ACBD3: variants seen among roughly 807,000 people sequenced by gnomAD.
ACBD3 encodes the protein acyl-CoA binding domain containing 3.
In ACBD3, 30 loss-of-function variants were observed where a neutral mutation model predicts 66.9. That is an observed-to-expected ratio of 0.45 (90% confidence interval 0.34 to 0.61). The LOEUF (loss-of-function observed/expected upper bound fraction) is 0.61, where lower values mean the gene tolerates loss of function less well. Ranked by LOEUF, ACBD3 falls within the 20% of genes least tolerant of loss-of-function variation. The probability of loss-of-function intolerance (pLI) is 0.02; values close to 1 mark genes in which losing one functional copy is unlikely to be tolerated. For synonymous variants in ACBD3, 278 were observed against 259.8 expected (o/e 1.07, Z -0.68); for missense variants, 544 against 664.5 (o/e 0.82, Z 1.99).
intron 1 of ACBD3, among the ~76,000 whole-genome samples, chr1:226,173,757 CTTTTTT>C (rs145462202): frequency 3.4e-5 from 3 of 88,306 alleles, no homozygotes; most frequent in African/African-American, 9.2e-5. Flanking sequence ...TTTTTCTTTT[CTTTTTT>C]TTTTTTTTTT....
At position 226,154,737 on chromosome 1, in the gene ACBD3, C is replaced by G. The variant is rs780580689; in HGVS notation, c.1000G>C (p.Val334Leu). Residue 334 changes from valine (V) to leucine (L), a missense_variant, in exon 6 of 8, where the codon GTT (valine) becomes CTT (leucine). By Grantham distance (32) the Val-to-Leu change is conservative. Around this residue, in one of 3 missense-constraint regions of ACBD3, gnomAD observed 383 missense variants for 462.4 expected, o/e 0.83. Coordinates refer to ENST00000366812, the MANE Select transcript of ACBD3 (RefSeq NM_022735.4). The stretch of plus-strand genomic sequence containing the variant: ...GTGTGTGTTTTGGCCTGTCCATTAA[C>G]TGACATCATATTACTTGGTACAGTT... ...NATVPSNMMS[V>L]NGQAKTHTDS... 6.2e-7 allele frequency: 1 copy of G among 1,613,968 alleles called. No individual in the cohort carries two copies. The highest frequency in any genetic ancestry group is 1.7e-5 in the Admixed American group (1 of 60,010).
At chr1:226,164,959 C>A in intron 2 of ACBD3, 30 bp from the exon 3 acceptor site, 1 of 1,510,926 alleles carries the variant, frequency 6.6e-7, no homozygotes, top group South Asian at 1.4e-5. Context: ...AAGTTACCTC[C>A]CCTTCTTAGT....
chr1:226,149,973 T>C (rs1239700265), intron 7 of ACBD3, among the ~76,000 whole-genome samples: 1 of 152,080 alleles, frequency 6.6e-6, no homozygotes, highest in African/African-American at 2.4e-5. Flanking sequence ...TCTGATGTTG[T>C]TGAAGGTCAC....
intron 5 of ACBD3, chr1:226,155,077 G>A (rs943702545): frequency 6.8e-6 from 2 of 294,334 alleles, no homozygotes; most frequent in Non-Finnish European, 1.2e-5. Context: ...TGCAACTAAG[G>A]CTCACATTTC....
Position 226,165,940 on chromosome 1 carries a change from T to C in ACBD3, c.347A>G (p.His116Arg), listed in dbSNP as rs1418094825. 6.2e-7 allele frequency: 1 copy of C among 1,613,464 alleles called. No homozygotes were observed. The highest frequency in any genetic ancestry group is 8.5e-7 in the Non-Finnish European group (1 of 1,179,842). The change falls in exon 2 of 8, where the codon CAT becomes CGT. Residue 116 changes from histidine (H) to arginine (R), a missense_variant. This residue lies in a region of ACBD3 where 24 missense variants were observed against 56.2 expected (regional missense o/e 0.43). Coordinates refer to ENST00000366812, the MANE Select transcript of ACBD3 (RefSeq NM_022735.4). Reference protein sequence around the residue: ...YEEKLKLVALHKQVLMGPYNP... With the variant: ...YEEKLKLVALRKQVLMGPYNP... ...ATATGGGCCCATAAGAACTTGCTTA[T>C]GCAGTGCCACAAGCTTCAATTTTTC...
At chr1:226,173,757 CTTTTTTTTTTTTTTTT>C (rs145462202) in intron 1 of ACBD3, among the ~76,000 whole-genome samples, 2 of 88,324 alleles carry the variant, frequency 2.3e-5, no homozygotes, top group Non-Finnish European at 4.2e-5. Flanking sequence ...TTTTTCTTTT[CTTTTTTTTTTTTTTTT>C]TTTTTGAGAC....
In ACBD3 at chr1:226,170,540, C is replaced by A. The variant is rs535658723; in HGVS notation, c.287-4540G>T. On this transcript the variant is annotated intron_variant, in intron 1 of 7. Transcript: ENST00000366812. ...AAATAAATGTCAGTAAAGATAAAAT[C>A]ACATGGAAACTATTCACCTGAAGAC... Among the ~76,000 whole-genome samples the A allele has an allele frequency of 3.4e-4, 52 of 151,936 alleles. 1 individual carries two copies. The highest frequency in any genetic ancestry group is 1.2e-3 in the African/African-American group (48 of 41,432).
chr1:226,152,774 C>G (rs1236789065), intron 6 of ACBD3, among the ~76,000 whole-genome samples, 155 bp from the exon 7 acceptor site: 4 of 152,206 alleles, frequency 2.6e-5, no homozygotes, highest in African/African-American at 9.6e-5. Flanking sequence ...AAAGCCTCCC[C>G]ATGGGAGTCT....
At position 226,152,395 on chromosome 1, in the gene ACBD3, G is replaced by A. The variant is rs1020113363; in HGVS notation, c.1315C>T (p.Pro439Ser). Residue 439 changes from proline (P) to serine (S), a missense_variant, in exon 7 of 8, where the codon CCA becomes TCA. Physicochemically the swap from Pro to Ser is moderately conservative, Grantham distance 74. This residue lies in a region of ACBD3 where 383 missense variants were observed against 462.4 expected (regional missense o/e 0.83). Coordinates refer to ENST00000366812, the MANE Select transcript of ACBD3 (RefSeq NM_022735.4). ...FGVYFEWTDS[P>S]NTAVSVHVSE... The stretch of plus-strand genomic sequence containing the variant: ...ACATGCACGCTGACAGCAGTGTTTG[G>A]AGAGTCTGTCCATTCAAAATACACC... The A allele has an allele frequency of 3.7e-6, 6 of 1,614,218 alleles. No individual in the cohort carries two copies. Among genetic ancestry groups the A allele is most frequent in the Non-Finnish European group, 5.1e-6 (6 of 1,180,046 alleles).
chr1:226,154,495 G>T, intron 6 of ACBD3, 152 bp downstream of exon 6: 1 of 823,956 alleles, frequency 1.2e-6, no homozygotes, highest in Non-Finnish European at 1.8e-6. Flanking sequence ...AGTCACCAGA[G>T]CATTAGATTC....
Position 226,186,636 on chromosome 1 carries a change from C to T in ACBD3, c.40G>A (p.Val14Ile). The T allele has an allele frequency of 6.6e-7, 1 of 1,513,702 alleles. No homozygotes were observed. The highest frequency in any genetic ancestry group is 8.8e-7 in the Non-Finnish European group (1 of 1,138,278). 93.8% of individuals were successfully genotyped at this position (1,513,702 alleles called of 1,614,324 possible). A position where few individuals can be genotyped will look rare whatever the true frequency, so the allele number is the denominator to read the frequency against. Residue 14 changes from valine to isoleucine, a missense_variant, in exon 1 of 8, where the codon GTC becomes ATC. Physicochemically the swap from Val to Ile is conservative, Grantham distance 29. Transcript: ENST00000366812. The stretch of plus-strand genomic sequence containing the variant: ...TCCGGGCTGAGCGTGAGGCCGTCGA[C>T]GGACACCTCGAGTCGCTCTGCGTTC... ...VLNAERLEVS[V>I]DGLTLSPDPE...
In ACBD3 at chr1:226,171,927, G is replaced by A. The variant is rs144499174; in HGVS notation, c.287-5927C>T. 3.9e-3 allele frequency among the ~76,000 whole-genome samples: 589 copies of A among 151,766 alleles called. 24 individuals carry two copies. In the East Asian group the frequency reaches 0.091, roughly 23 times the overall value. On this transcript the variant is annotated intron_variant, in intron 1 of 7. Transcript: ENST00000366812. Reference sequence around the variant, plus strand: ...TCCCGGCACTTTGGGAGGCTGGGGCGGGTGGATCACCTGAGGTCAGGAGTT... The same window carrying A: ...TCCCGGCACTTTGGGAGGCTGGGGCAGGTGGATCACCTGAGGTCAGGAGTT...
intron 1 of ACBD3, among the ~76,000 whole-genome samples, chr1:226,173,757 CTTTTTTTTTTTTTTT>C (rs145462202): frequency 1.1e-5 from 1 of 88,324 alleles, no homozygotes; most frequent in Admixed American, 1.4e-4. Flanking sequence ...TTTTTCTTTT[CTTTTTTTTTTTTTTT>C]TTTTTTGAGA....
chr1:226,173,757 CTTTTTTT>C (rs145462202), intron 1 of ACBD3, among the ~76,000 whole-genome samples: 1 of 88,322 alleles, frequency 1.1e-5, no homozygotes, highest in Admixed American at 1.4e-4. Context: ...TTTTTCTTTT[CTTTTTTT>C]TTTTTTTTTT....
At chr1:226,150,315 T>A (rs1003290633) in intron 7 of ACBD3, among the ~76,000 whole-genome samples, 2 of 152,106 alleles carry the variant, frequency 1.3e-5, no homozygotes, top group South Asian at 4.1e-4. Flanking sequence ...TCAAGAGATC[T>A]TCCTTACTTG....
At position 226,168,686 on chromosome 1, in the gene ACBD3, G is replaced by T. The variant is rs1318170363; in HGVS notation, c.287-2686C>A. Among the ~76,000 whole-genome samples, 3 of 152,166 alleles carry T rather than the reference G, an allele frequency of 2.0e-5. No individual in the cohort carries two copies. The East Asian group carries it at 5.8e-4, about 29-fold the overall frequency. On this transcript the variant is annotated intron_variant, in intron 1 of 7. Coordinates refer to ENST00000366812, the MANE Select transcript of ACBD3 (RefSeq NM_022735.4). ...TAACTCAAGTATTTACGATGATGCT[G>T]GCGTTAAACTAACCTACTGTGCTGC...
intron 5 of ACBD3, among the ~76,000 whole-genome samples, chr1:226,156,624 C>A (rs1659677096): frequency 6.6e-6 from 1 of 152,144 alleles, no homozygotes; most frequent in East Asian, 1.9e-4. Flanking sequence ...GTATCATTTA[C>A]AAGCCAATTA....
At chr1:226,148,843 G>A (rs916283850) in intron 7 of ACBD3, among the ~76,000 whole-genome samples, 1 of 152,212 alleles carries the variant, frequency 6.6e-6, no homozygotes, top group African/African-American at 2.4e-5. Flanking sequence ...CAATTTGTGA[G>A]CTAAATCTTT....
intron 6 of ACBD3, among the ~76,000 whole-genome samples, chr1:226,153,434 C>T (rs983734939): frequency 6.6e-6 from 1 of 152,194 alleles, no homozygotes; most frequent in African/African-American, 2.4e-5. Context: ...CTCTCCTCTT[C>T]CTCCTTACTT....
Sources: gnomAD v4.1 joint callset for allele counts (sites outside exome capture counted in the v4.1 genomes callset) on GRCh38, gnomAD v4.1.1 for gene constraint, gnomAD v4.1.1 regional missense constraint, MANE v1.5 for transcripts, NCBI Gene and HGNC (gene_info 2026-07-23, HGNC 2026-07-21) for gene names.